GFAP: variants seen among roughly 807,000 people sequenced by gnomAD.
The protein encoded by GFAP is intermediate filament protein.
In GFAP, 38 loss-of-function variants were observed where a neutral mutation model predicts 49.3. The ratio of observed to expected loss-of-function variants is 0.77; its 90% CI spans 0.60 to 1.01. The LOEUF (loss-of-function observed/expected upper bound fraction) is 1.01, where lower values mean the gene tolerates loss of function less well. Ranked by LOEUF, GFAP falls within the 50% of genes least tolerant of loss-of-function variation. The pLI is 0.00. For synonymous variants in GFAP, 222 were observed against 236.4 expected (o/e 0.94, Z 0.56); for missense variants, 463 against 579.1 (o/e 0.80, Z 2.06).
chr17:44,911,409 C>T lies in GFAP; in HGVS notation c.954G>A (p.Val318=), dbSNP rs1301782530. The T allele has an allele frequency of 6.2e-7, 1 of 1,613,118 alleles. No individual in the cohort carries two copies. The highest frequency in any genetic ancestry group is 8.5e-7 in the Non-Finnish European group (1 of 1,179,642). ...RQMREQEERH[V]REAASYQEAL... ...CCTCCTGATAACTGGCCGCCTCCCG[C>T]ACGTGCCGCTCCTCCTGCTCGCGCA... The change falls in exon 6 of 9, where the codon GTG becomes GTA. Residue 318 remains valine (V), a synonymous_variant. Coordinates refer to ENST00000588735, the MANE Select transcript of GFAP (RefSeq NM_002055.5).
Position 44,903,718 on chromosome 17 carries a change from C to T in GFAP, c.*3629G>A. 1 of 1,445,242 alleles carries T rather than the reference C, an allele frequency of 6.9e-7. No homozygotes were observed. The highest frequency in any genetic ancestry group is 9.1e-7 in the Non-Finnish European group (1 of 1,103,596). The allele number at this position is 1,445,242 out of a possible 1,614,324, so 89.5% of individuals were successfully genotyped here. A position where few individuals can be genotyped will look rare whatever the true frequency, so the allele number is the denominator to read the frequency against. On this transcript the variant is annotated 3_prime_UTR_variant, in exon 9 of 9. Coordinates refer to ENST00000588735, the MANE Select transcript of GFAP (RefSeq NM_002055.5). ...AGATTGTTGCTGCTTTTCCTGGCTG[C>T]ATAATCCTTTCCTCATCTAGAGGCT...
Position 44,911,741 on chromosome 17 carries a change from C to T in GFAP, c.837G>A (p.Lys279=), listed in dbSNP as rs753946113. 1.9e-6 allele frequency: 3 copies of T among 1,614,014 alleles called. No individual in the cohort carries two copies. The highest frequency in any genetic ancestry group is 2.2e-5 in the South Asian group (2 of 91,090). The change falls in exon 5 of 9, where the codon AAG becomes AAA. Residue 279 remains lysine, a synonymous_variant. Transcript: ENST00000588735. ...GGCGCCGGTAGTCGTTGGCTTCGTG[C>T]TTGGCCTGGCGGAGCAGCTCCGCGT... The part of the protein sequence containing the change: ...ARNAELLRQA[K]HEANDYRRQL...
chr17:44,903,396 G>A lies in GFAP; in HGVS notation c.*3951C>T, dbSNP rs1444890792. The A allele has an allele frequency of 8.0e-7, 1 of 1,251,910 alleles. No homozygotes were observed. The highest frequency in any genetic ancestry group is 1.5e-5 in the African/African-American group (1 of 64,580). The allele number at this position is 1,251,910 out of a possible 1,614,324, so 77.6% of individuals were successfully genotyped here. A position where few individuals can be genotyped will look rare whatever the true frequency, so the allele number is the denominator to read the frequency against. On this transcript the variant is annotated 3_prime_UTR_variant, in exon 9 of 9. Transcript: ENST00000588735. The stretch of plus-strand genomic sequence containing the variant: ...AGCCTCCCGGATGGCCAGATATGCA[G>A]GAGGGTGGGTTTCCTTCATCCCCCA...
intron 7 of GFAP, chr17:44,910,206 C>A: frequency 1.2e-6 from 2 of 1,613,900 alleles, no homozygotes; most frequent in South Asian, 2.2e-5. Flanking sequence ...TATTGTGAGG[C>A]TTTTGAGATA....
In GFAP at chr17:44,914,068, A is replaced by G; in HGVS notation, c.482T>C (p.Leu161Pro). Residue 161 changes from leucine to proline, a missense_variant, in exon 2 of 9, where the codon CTG becomes CCG. By Grantham distance (98) the Leu-to-Pro change is moderately conservative. This residue lies in a region of GFAP where 362 missense variants were observed against 445.5 expected (regional missense o/e 0.81). Transcript: ENST00000588735. The stretch of plus-strand genomic sequence containing the variant: ...CAGGTTGTTCTCGGCTTCCAGCCTC[A>G]GGTTGGTTTCATCCTGGAGCCTGGA... Reference protein sequence around the residue: ...VRQKLQDETNLRLEAENNLAA... With the variant: ...VRQKLQDETNPRLEAENNLAA... 3 of 1,556,268 alleles carry G rather than the reference A, an allele frequency of 1.9e-6. No homozygotes were observed. Among genetic ancestry groups the G allele is most frequent in the Non-Finnish European group, 2.6e-6 (3 of 1,149,294 alleles).
chr17:44,908,800 G>C (rs545842620), intron 7 of GFAP: 1 of 152,482 alleles, frequency 6.6e-6, no homozygotes, highest in African/African-American at 2.4e-5. Context: ...GGCGGAGGTT[G>C]CAGTAAGCTG....
chr17:44,904,116 G>A lies in GFAP; in HGVS notation c.*3231C>T. 1 of 1,550,594 alleles carries A rather than the reference G, an allele frequency of 6.4e-7. No homozygotes were observed. Among genetic ancestry groups the A allele is most frequent in the Middle Eastern group, 1.7e-4 (1 of 5,990 alleles). ...ACGGAGGCAGCCCAGGTACGTGTGG[G>A]CAGCGACATGCTGACCCGCTTCAGC... On this transcript the variant is annotated 3_prime_UTR_variant, in exon 9 of 9. Transcript: ENST00000588735.
In GFAP at chr17:44,904,044, G is replaced by T; in HGVS notation, c.*3303C>A. 1 of 1,550,616 alleles carries T rather than the reference G, an allele frequency of 6.4e-7. No homozygotes were observed. The highest frequency in any genetic ancestry group is 8.7e-7 in the Non-Finnish European group (1 of 1,147,012). Reference sequence around the variant, plus strand: ...GTCTGGTTCTACCAAAAGCACCTAGGTAGCAGCCACACCAAAGTGCTGACG... The same window carrying T: ...GTCTGGTTCTACCAAAAGCACCTAGTTAGCAGCCACACCAAAGTGCTGACG... On this transcript the variant is annotated 3_prime_UTR_variant, in exon 9 of 9. Transcript: ENST00000588735.
Position 44,903,748 on chromosome 17 carries a change from C to T in GFAP, c.*3599G>A. On this transcript the variant is annotated 3_prime_UTR_variant, in exon 9 of 9. Coordinates refer to ENST00000588735, the MANE Select transcript of GFAP (RefSeq NM_002055.5). Reference sequence around the variant, plus strand: ...TCCTTTCCTCATCTAGAGGCTTCCGCTTAGCAGAGCTTTCTAGGAGCCCTA... The same window carrying T: ...TCCTTTCCTCATCTAGAGGCTTCCGTTTAGCAGAGCTTTCTAGGAGCCCTA... 6.8e-7 allele frequency: 1 copy of T among 1,465,078 alleles called. No homozygotes were observed. Among genetic ancestry groups the T allele is most frequent in the Non-Finnish European group, 9.0e-7 (1 of 1,110,784 alleles). The allele number at this position is 1,465,078 out of a possible 1,614,324, so 90.8% of individuals were successfully genotyped here.
Position 44,903,289 on chromosome 17 carries a change from G to T in GFAP, c.*4058C>A. 1 of 1,246,446 alleles carries T rather than the reference G, an allele frequency of 8.0e-7. No homozygotes were observed. Among genetic ancestry groups the T allele is most frequent in the Non-Finnish European group, 1.0e-6 (1 of 996,342 alleles). 77.2% of individuals were successfully genotyped at this position (1,246,446 alleles called of 1,614,324 possible). A position where few individuals can be genotyped will look rare whatever the true frequency, so the allele number is the denominator to read the frequency against. On this transcript the variant is annotated 3_prime_UTR_variant, in exon 9 of 9. Transcript: ENST00000588735. ...AATGATCAAATACTACATCATTTGAGGTGTTGAATTTTCCCCTAGAGACTC... is the reference window on the plus strand; with the variant it reads ...AATGATCAAATACTACATCATTTGATGTGTTGAATTTTCCCCTAGAGACTC...
intron 7 of GFAP, chr17:44,910,021 C>A: frequency 6.3e-7 from 1 of 1,583,896 alleles, no homozygotes; most frequent in South Asian, 1.2e-5. Context: ...TGACGCAGTC[C>A]AGGCCCTTTA....
At position 44,910,595 on chromosome 17, in the gene GFAP, C is replaced by T. The variant is rs369540242; in HGVS notation, c.1171+20G>A. The T allele has an allele frequency of 1.5e-5, 24 of 1,567,154 alleles. No individual in the cohort carries two copies. The highest frequency in any genetic ancestry group is 1.9e-5 in the Non-Finnish European group (22 of 1,155,022). On this transcript the variant is annotated intron_variant, in intron 7 of 8. Coordinates refer to ENST00000588735, the MANE Select transcript of GFAP (RefSeq NM_002055.5). ...GGGCAGGACTCCAGTGCCCTTCCCA[C>T]GAGGCCCTGCTGTACTGACCTCGAA... is the stretch of plus-strand genomic sequence containing the variant.
intron 8 of GFAP, 28 bp from the exon 9 acceptor site, chr17:44,907,416 G>A (rs1471048793): frequency 6.5e-7 from 1 of 1,544,128 alleles, no homozygotes; most frequent in Admixed American, 1.7e-5. Flanking sequence ...CGTGCACAGT[G>A]CAACAGTTAG....
In GFAP at chr17:44,908,139, C is replaced by T. The variant is rs757760536; in HGVS notation, c.1182G>A (p.Leu394=). 4 of 1,608,446 alleles carry T rather than the reference C, an allele frequency of 2.5e-6. No homozygotes were observed. In the Admixed American group the frequency reaches 6.7e-5, roughly 27 times the overall value. ...FSNLQIRETS[L]DTKSVSEGHL... Reference sequence around the variant, plus strand: ...GGCCTTCTGACACAGACTTGGTGTCCAGGCTGGTTTCTGCAGATGTGGGGA... The same window carrying T: ...GGCCTTCTGACACAGACTTGGTGTCTAGGCTGGTTTCTGCAGATGTGGGGA... Residue 394 remains leucine, a synonymous_variant, in exon 8 of 9, where the codon CTG becomes CTA. Transcript: ENST00000588735.
At chr17:44,911,555 G>A (rs2051767589) in intron 5 of GFAP, 99 bp from the exon 6 acceptor site, 2 of 1,561,730 alleles carry the variant, frequency 1.3e-6, no homozygotes, top group Non-Finnish European at 1.7e-6. Context: ...TAGCCCGGGG[G>A]TAACGTTCAG....
In GFAP at chr17:44,903,791, G is replaced by A. The variant is rs752455206; in HGVS notation, c.*3556C>T. The A allele has an allele frequency of 2.0e-6, 3 of 1,521,872 alleles. No homozygotes were observed. The South Asian group carries it at 3.8e-5, about 19-fold the overall frequency. 94.3% of individuals were successfully genotyped at this position (1,521,872 alleles called of 1,614,324 possible). A position where few individuals can be genotyped will look rare whatever the true frequency, so the allele number is the denominator to read the frequency against. ...GAGCCCTATGAGCCTTTAATGCCCTGGTTTTGCCCTGCCCCTCTGACCCCT... is the reference window on the plus strand; with the variant it reads ...GAGCCCTATGAGCCTTTAATGCCCTAGTTTTGCCCTGCCCCTCTGACCCCT... On this transcript the variant is annotated 3_prime_UTR_variant, in exon 9 of 9. Transcript: ENST00000588735.
At chr17:44,907,484 C>G in intron 8 of GFAP, 96 bp from the exon 9 acceptor site, 3 of 853,874 alleles carry the variant, frequency 3.5e-6, no homozygotes, top group Non-Finnish European at 4.0e-6. Context: ...GGGAAGTCCC[C>G]GACTTCCCAG....
At position 44,904,843 on chromosome 17, in the gene GFAP, T is replaced by A. The variant is rs551532739; in HGVS notation, c.*2504A>T. On this transcript the variant is annotated 3_prime_UTR_variant, in exon 9 of 9. Coordinates refer to ENST00000588735, the MANE Select transcript of GFAP (RefSeq NM_002055.5). ...TCCACATCCGCTTCACCCAGCTGGA[T>A]GACCGGGGCATCTACTATTGCTGGA... 7.7e-6 allele frequency: 12 copies of A among 1,550,652 alleles called. No individual in the cohort carries two copies. The highest frequency in any genetic ancestry group is 8.7e-6 in the Non-Finnish European group (10 of 1,146,950).
In GFAP at chr17:44,904,881, T is replaced by A. The variant is rs564383174; in HGVS notation, c.*2466A>T. ...TACTATTGCTGGAGGCAGGGTGTGC[T>A]AGTTGCTGGCTTCCGGCTGGGTGTG... On this transcript the variant is annotated 3_prime_UTR_variant, in exon 9 of 9. Coordinates refer to ENST00000588735, the MANE Select transcript of GFAP (RefSeq NM_002055.5). 2 of 1,550,658 alleles carry A rather than the reference T, an allele frequency of 1.3e-6. No individual in the cohort carries two copies. The highest frequency in any genetic ancestry group is 1.7e-6 in the Non-Finnish European group (2 of 1,146,976).
Sources: allele counts gnomAD v4.1 joint callset, GRCh38; gene constraint gnomAD v4.1.1; regional missense constraint gnomAD v4.1.1; transcripts MANE v1.5; gene names NCBI Gene and HGNC (gene_info 2026-07-23, HGNC 2026-07-21).